Variants in PEX11G observed in about 807,000 individuals in gnomAD.
PEX11G encodes peroxisomal membrane protein 11C.
Under a neutral mutation model 22.5 loss-of-function variants are expected in PEX11G, and 20 were observed. The observed-to-expected ratio is 0.89, with a 90% CI of 0.62 to 1.29. The LOEUF (loss-of-function observed/expected upper bound fraction) is 1.29. PEX11G is among the 50% of genes most tolerant of loss of function. The probability of loss-of-function intolerance (pLI) is 0.00; values close to 1 mark genes in which losing one functional copy is unlikely to be tolerated. For synonymous variants in PEX11G, 141 were observed against 154.5 expected (o/e 0.91, Z 0.65); for missense variants, 347 against 331.3 (o/e 1.05, Z -0.37).
chr19:7,481,168 G>A lies in PEX11G; in HGVS notation c.428+865C>T, dbSNP rs1018455830. On this transcript the variant is annotated intron_variant, in intron 3 of 4. Coordinates refer to ENST00000221480, the MANE Select transcript of PEX11G (RefSeq NM_080662.4). ...AACCTGTCAACATGTTCACCTCCAA[G>A]GCAAAGGATATTTTGCCGATGGGAT... is the stretch of plus-strand genomic sequence containing the variant. 1.7e-4 allele frequency among the ~76,000 whole-genome samples: 26 copies of A among 152,176 alleles called. 2 individuals are homozygous for A. The highest frequency in any genetic ancestry group is 2.0e-4 in the Admixed American group (3 of 15,278).
intron 2 of PEX11G, chr19:7,483,420 G>A (rs992159358): frequency 5.9e-5 from 9 of 152,572 alleles, no homozygotes; most frequent in African/African-American, 2.2e-4. Context: ...CTCTGGGGAG[G>A]GGCAGAGGCT....
upstream of PEX11G, chr19:7,489,204 G>T (rs931842104): frequency 1.1e-4 from 122 of 1,139,324 alleles, no homozygotes; most frequent in Middle Eastern, 1.2e-3. Context: ...TGCTCTCCAG[G>T]CCTGCAGACC....
intron 3 of PEX11G, among the ~76,000 whole-genome samples, chr19:7,481,003 G>A (rs1365767833): frequency 3.3e-5 from 5 of 152,050 alleles, no homozygotes; most frequent in Non-Finnish European, 7.4e-5. Context: ...CTGGGGTGTC[G>A]GCTGACAGCA....
chr19:7,477,427 G>C lies in PEX11G; in HGVS notation c.501C>G (p.Pro167=). ...SPTAPFTSPL[P]RGKRRAMEAQ... is the part of the protein sequence containing the mutation. ...CCTCCATGGCCCTCCGCTTGCCCCG[G>C]GGCAGCGGGCTGTGGGGCAGAGAGG... is the stretch of plus-strand genomic sequence containing the variant. The change falls in exon 5 of 5, where the codon CCC becomes CCG. Residue 167 remains proline (P), a synonymous_variant. Transcript: ENST00000221480. 6.9e-7 allele frequency: 1 copy of C among 1,448,770 alleles called. No individual in the cohort carries two copies. The highest frequency in any genetic ancestry group is 2.9e-5 in the Admixed American group (1 of 34,910). The allele number at this position is 1,448,770 out of a possible 1,614,324, so 89.7% of individuals were successfully genotyped here. A position where few individuals can be genotyped will look rare whatever the true frequency, so the allele number is the denominator to read the frequency against.
chr19:7,477,326 CG>C lies in PEX11G; in HGVS notation c.601del (p.Arg201GlyfsTer13). 1 of 1,560,164 alleles carries C rather than the reference CG, an allele frequency of 6.4e-7. No individual in the cohort carries two copies. The highest frequency in any genetic ancestry group is 8.7e-7 in the Non-Finnish European group (1 of 1,154,086). ...GAAGCGGCCGGCCCACAGCACGCCC[CG>C]GGGCAGCCAGTGCACGGCGTTGGCC... The part of the protein sequence containing the change: ...DLANAVHWLP[R>X]GVLWAGRFPP... On this transcript the variant is annotated frameshift_variant, in exon 5 of 5. Transcript: ENST00000221480. LOFTEE classifies it high-confidence loss of function.
upstream of PEX11G, among the ~76,000 whole-genome samples, chr19:7,489,760 C>G (rs902935879): frequency 2.0e-5 from 3 of 152,174 alleles, no homozygotes; most frequent in African/African-American, 7.2e-5. Flanking sequence ...AAAGCAGGAC[C>G]TAAAGGTACA....
At chr19:7,492,661 C>T (rs918516615), upstream of PEX11G, among the ~76,000 whole-genome samples, 1 of 152,204 alleles carries the variant, frequency 6.6e-6, no homozygotes, top group East Asian at 1.9e-4. Flanking sequence ...AGGCTGGTCT[C>T]CAACTCCTGA....
intron 1 of PEX11G, 30 bp from the exon 2 acceptor site, chr19:7,486,056 C>A: frequency 6.4e-7 from 1 of 1,555,910 alleles, no homozygotes; most frequent in East Asian, 2.3e-5. Context: ...GTCAGTGTGG[C>A]CCTCCTGTTC....
chr19:7,483,585 C>T (rs1977607569), intron 2 of PEX11G, among the ~76,000 whole-genome samples: 1 of 152,214 alleles, frequency 6.6e-6, no homozygotes, highest in Non-Finnish European at 1.5e-5. Context: ...CTCAGGGATG[C>T]ACCAGAGCGC....
intron 1 of PEX11G, 25 bp downstream of exon 1, chr19:7,488,926 C>T: frequency 6.5e-7 from 1 of 1,547,644 alleles, no homozygotes. Flanking sequence ...CTAGGACCTC[C>T]GGCCCCGGTC....
chr19:7,479,376 C>T (rs551644182), intron 3 of PEX11G, among the ~76,000 whole-genome samples: 4 of 152,216 alleles, frequency 2.6e-5, no homozygotes, highest in African/African-American at 4.8e-5. Context: ...CCCAGGTACT[C>T]GGGAGGCTGA....
chr19:7,481,265 T>G (rs574812056), intron 3 of PEX11G, among the ~76,000 whole-genome samples: 5 of 151,844 alleles, frequency 3.3e-5, no homozygotes, highest in Admixed American at 3.3e-4. Context: ...AGGGGTGTGA[T>G]CTCGGCTCAC....
intron 1 of PEX11G, among the ~76,000 whole-genome samples, chr19:7,494,716 G>A (rs1401988056): frequency 6.6e-6 from 1 of 152,180 alleles, no homozygotes; most frequent in South Asian, 2.1e-4. Context: ...GAGCTGGCCT[G>A]GCAGTCAAAG....
chr19:7,483,100 A>G (rs1169483254), intron 2 of PEX11G, among the ~76,000 whole-genome samples: 1 of 8,730 alleles, frequency 1.1e-4, no homozygotes, highest in African/African-American at 5.1e-4. Flanking sequence ...GACCCCGCCC[A>G]CCGTGACCCC....
At chr19:7,494,447 G>A (rs2021942766) in intron 1 of PEX11G, among the ~76,000 whole-genome samples, 1 of 152,180 alleles carries the variant, frequency 6.6e-6, no homozygotes, top group Non-Finnish European at 1.5e-5. Flanking sequence ...GAGGAAAGAG[G>A]TCACTGGCCG....
chr19:7,478,925 G>A (rs908104355), intron 3 of PEX11G, among the ~76,000 whole-genome samples: 1 of 152,136 alleles, frequency 6.6e-6, no homozygotes, highest in African/African-American at 2.4e-5. Context: ...CTACCCAGTG[G>A]GCAGCCTCTG....
In PEX11G at chr19:7,481,240, G is replaced by A. The variant is rs1048440071; in HGVS notation, c.428+793C>T. 2.6e-5 allele frequency among the ~76,000 whole-genome samples: 4 copies of A among 152,022 alleles called. No individual in the cohort carries two copies. In the East Asian group the frequency reaches 5.8e-4, roughly 22 times the overall value. ...TTTTGACACGGAATCTTGCTCTGTC[G>A]CCAGGCTGGAGTGCAGGGGTGTGAT... is the stretch of plus-strand genomic sequence containing the variant. On this transcript the variant is annotated intron_variant, in intron 3 of 4. Transcript: ENST00000221480.
At position 7,488,210 on chromosome 19, in the gene PEX11G, C is replaced by T. The variant is rs144652848; in HGVS notation, c.60+741G>A. Among the ~76,000 whole-genome samples, 20 of 152,316 alleles carry T rather than the reference C, an allele frequency of 1.3e-4. 1 individual carries two copies. In the South Asian group the frequency reaches 3.1e-3, roughly 24 times the overall value. On this transcript the variant is annotated intron_variant, in intron 1 of 4. Transcript: ENST00000221480. ...TCCAGCCAGGCTGGGTTGGCAGAGA[C>T]GATCTAAATGACCAACTGGGGTTTT...
upstream of PEX11G, among the ~76,000 whole-genome samples, chr19:7,493,270 G>A (rs1456581403): frequency 7.2e-6 from 1 of 139,770 alleles, no homozygotes; most frequent in Non-Finnish European, 1.5e-5. Context: ...TCGGCTCACT[G>A]CCATCTCCAC....
Sources: allele counts gnomAD v4.1 joint callset (sites outside exome capture counted in the v4.1 genomes callset), GRCh38; gene constraint gnomAD v4.1.1; transcripts MANE v1.5; gene names NCBI Gene and HGNC (gene_info 2026-07-23, HGNC 2026-07-21).